The following RHBDF2 variants were observed in gnomAD, a reference collection of about 807,000 sequenced individuals.
RHBDF2 encodes the protein inactive rhomboid protein 2.
Under a neutral mutation model 95.2 loss-of-function variants are expected in RHBDF2, and 38 were observed. That is an observed-to-expected ratio of 0.40 (90% CI 0.31 to 0.52). The LOEUF (loss-of-function observed/expected upper bound fraction) is 0.52. Among genes scored for constraint, RHBDF2 ranks in the 20% least tolerant of loss-of-function variants. The probability of loss-of-function intolerance (pLI) is 0.56; values close to 1 mark genes in which losing one functional copy is unlikely to be tolerated. For synonymous variants in RHBDF2, 442 were observed against 462.0 expected (o/e 0.96, Z 0.55); for missense variants, 863 against 1,137.7 (o/e 0.76, Z 3.47).
Position 76,481,362 on chromosome 17 carries a change from C to A in RHBDF2, c.150+13G>T. ...TACGGCAGAACAGTGAGCCCCCAGGCCAGCCCCCTTACCTCAGGCAGCATG... is the reference window on the plus strand; with the variant it reads ...TACGGCAGAACAGTGAGCCCCCAGGACAGCCCCCTTACCTCAGGCAGCATG... On this transcript the variant is annotated intron_variant, in intron 3 of 18. Transcript: ENST00000675367. The A allele has an allele frequency of 6.2e-7, 1 of 1,606,236 alleles. No individual in the cohort carries two copies. The highest frequency in any genetic ancestry group is 1.1e-5 in the South Asian group (1 of 90,830).
At chr17:76,497,989 G>C (rs1483844875) in intron 1 of RHBDF2, among the ~76,000 whole-genome samples, 1 of 152,222 alleles carries the variant, frequency 6.6e-6, no homozygotes, top group East Asian at 1.9e-4. Context: ...CCTTCCAGTA[G>C]CTTTTGGACC....
intron 1 of RHBDF2, among the ~76,000 whole-genome samples, chr17:76,488,744 C>T (rs1250467327): frequency 2.0e-5 from 3 of 151,992 alleles, no homozygotes; most frequent in Non-Finnish European, 4.4e-5. Context: ...GTCAGGAGTT[C>T]GAGACCAGTC....
chr17:76,498,925 C>G (rs947632380), intron 1 of RHBDF2, among the ~76,000 whole-genome samples: 1 of 151,382 alleles, frequency 6.6e-6, no homozygotes, highest in Non-Finnish European at 1.5e-5. Context: ...GTAGGAGTCA[C>G]TGAGGGTTTG....
At chr17:76,473,590 G>A in intron 15 of RHBDF2, 58 bp downstream of exon 15, 1 of 1,428,510 alleles carries the variant, frequency 7.0e-7, no homozygotes, top group East Asian at 2.4e-5. Flanking sequence ...AGGGCCCACA[G>A]GAAGCCGCAG....
intron 1 of RHBDF2, among the ~76,000 whole-genome samples, chr17:76,490,681 C>G (rs1413138178): frequency 2.6e-5 from 4 of 152,030 alleles, no homozygotes; most frequent in African/African-American, 9.7e-5. Context: ...ATCACACCTC[C>G]CTGGAGGTCC....
At position 76,479,821 on chromosome 17, in the gene RHBDF2, G is replaced by A. The variant is rs773350829; in HGVS notation, c.184C>T (p.Leu62Phe). The stretch of plus-strand genomic sequence containing the variant: ...TGCCATCGGCTGCGTGGCTCCTGGA[G>A]GCTGACGCTCTTCAAGTAGGCTGGG... ...KNPAYLKSVS[L>F]QEPRSRWQES... Residue 62 changes from leucine to phenylalanine, a missense_variant, in exon 4 of 19, where the codon CTC becomes TTC. Leu to Phe is a conservative substitution (Grantham distance 22, BLOSUM62 0). Transcript: ENST00000675367. 5 of 1,613,206 alleles carry A rather than the reference G, an allele frequency of 3.1e-6. No individual in the cohort carries two copies. The highest frequency in any genetic ancestry group is 4.2e-6 in the Non-Finnish European group (5 of 1,179,810).
Position 76,471,513 on chromosome 17 carries a change from A to C in RHBDF2, c.*120T>G, listed in dbSNP as rs1054789969. On this transcript the variant is annotated 3_prime_UTR_variant, in exon 19 of 19. Coordinates refer to ENST00000675367, the MANE Select transcript of RHBDF2 (RefSeq NM_001005498.4). ...CTGGCAGGGGGGCACCCAGGTCCAG[A>C]GCCCGGGCCCTGTCTTGGGTCTCTG... is the stretch of plus-strand genomic sequence containing the variant. The C allele has an allele frequency of 3.4e-6, 4 of 1,180,226 alleles. No individual in the cohort carries two copies. Among genetic ancestry groups the C allele is most frequent in the Non-Finnish European group, 4.7e-6 (4 of 858,824 alleles). 73.1% of individuals were successfully genotyped at this position (1,180,226 alleles called of 1,614,324 possible). A position where few individuals can be genotyped will look rare whatever the true frequency, so the allele number is the denominator to read the frequency against.
rs776442321 is a variant in RHBDF2, at chr17:76,474,492, G to A, written c.1345C>T (p.Arg449Trp). ...HLGAKFSPCI[R>W]KDGQIEQLVL... is the part of the protein sequence containing the mutation. ...AGCTGCTCGATCTGCCCGTCCTTCC[G>A]GATGCAGGGTGAGAACTTGGCCCCC... The change falls in exon 12 of 19, where the codon CGG (arginine) becomes TGG (tryptophan). Residue 449 changes from arginine (R) to tryptophan (W), a missense_variant. This residue lies in a region of RHBDF2 where 611 missense variants were observed against 725.5 expected (regional missense o/e 0.84). Coordinates refer to ENST00000675367, the MANE Select transcript of RHBDF2 (RefSeq NM_001005498.4). The A allele has an allele frequency of 9.3e-6, 15 of 1,614,038 alleles. No homozygotes were observed. Among genetic ancestry groups the A allele is most frequent in the South Asian group, 2.2e-5 (2 of 91,092 alleles).
At position 76,479,541 on chromosome 17, in the gene RHBDF2, G is replaced by A. The variant is rs997490222; in HGVS notation, c.272+192C>T. ...CGAAGCCCCCCAGCCTCCACACCGTGATATTCCGCAAAGCACATACCCATT... is the reference window on the plus strand; with the variant it reads ...CGAAGCCCCCCAGCCTCCACACCGTAATATTCCGCAAAGCACATACCCATT... On this transcript the variant is annotated intron_variant, in intron 4 of 18. Transcript: ENST00000675367. The A allele has an allele frequency of 2.8e-5, 21 of 740,982 alleles. No homozygotes were observed. The Admixed American group carries it at 3.4e-4, about 12-fold the overall frequency. The allele number at this position is 740,982 out of a possible 1,614,324, so 45.9% of individuals were successfully genotyped here.
chr17:76,497,714 TGTTA>T (rs1351125443), intron 1 of RHBDF2, among the ~76,000 whole-genome samples: 2 of 152,132 alleles, frequency 1.3e-5, no homozygotes, highest in East Asian at 3.9e-4. Context: ...GGTAGATTAC[TGTTA>T]GTGAGCCCAC....
chr17:76,497,261 C>T lies in RHBDF2; in HGVS notation c.-220+4092G>A, dbSNP rs554789067. ...CCCTGCTCCCAGCCCCAGGAACCTA[C>T]GCCAGGGAAAGCACAGCTGAGGGGC... On this transcript the variant is annotated intron_variant, in intron 1 of 18. Transcript: ENST00000675367. Among the ~76,000 whole-genome samples, 8 of 152,246 alleles carry T rather than the reference C, an allele frequency of 5.3e-5. No individual in the cohort carries two copies. The South Asian group carries it at 6.2e-4, about 12-fold the overall frequency.
At chr17:76,483,323 TC>T (rs1251079591) in intron 2 of RHBDF2, among the ~76,000 whole-genome samples, 1 of 152,000 alleles carries the variant, frequency 6.6e-6, no homozygotes, top group Admixed American at 6.6e-5. Context: ...TCTCATTCTG[TC>T]ACCCAGATTG....
intron 2 of RHBDF2, among the ~76,000 whole-genome samples, chr17:76,486,185 T>G (rs566073833): frequency 1.3e-5 from 2 of 152,104 alleles, no homozygotes; most frequent in African/African-American, 2.4e-5. Context: ...TTTGGCTCAC[T>G]GCCAACCTCC....
chr17:76,484,843 C>A (rs749779225), intron 2 of RHBDF2, among the ~76,000 whole-genome samples: 1 of 152,148 alleles, frequency 6.6e-6, no homozygotes, highest in Admixed American at 6.6e-5. Flanking sequence ...GCAATGGAGC[C>A]GGCAGCGCAT....
chr17:76,482,249 T>G (rs1459211851), intron 2 of RHBDF2, among the ~76,000 whole-genome samples: 1 of 152,118 alleles, frequency 6.6e-6, no homozygotes, highest in African/African-American at 2.4e-5. Context: ...ATACCAGCAC[T>G]TGGGGAGGCC....
At chr17:76,479,980 G>C in intron 3 of RHBDF2, 126 bp from the exon 4 acceptor site, 1 of 1,300,798 alleles carries the variant, frequency 7.7e-7, no homozygotes, top group Non-Finnish European at 1.0e-6. Flanking sequence ...GCCCCAATTT[G>C]CTTTCATTTG....
chr17:76,490,516 C>T (rs891902000), intron 1 of RHBDF2, among the ~76,000 whole-genome samples: 5 of 152,182 alleles, frequency 3.3e-5, no homozygotes, highest in Non-Finnish European at 5.9e-5. Flanking sequence ...GACCAGGGTA[C>T]ACCAAGAGGG....
intron 6 of RHBDF2, 65 bp from the exon 7 acceptor site, chr17:76,477,850 C>T: frequency 6.3e-7 from 1 of 1,582,564 alleles, no homozygotes; most frequent in East Asian, 2.2e-5. Context: ...CCAGCCCCAA[C>T]ACCGAAGGAA....
intron 1 of RHBDF2, among the ~76,000 whole-genome samples, chr17:76,492,206 G>A (rs1177589121): frequency 6.6e-6 from 1 of 152,148 alleles, no homozygotes; most frequent in Non-Finnish European, 1.5e-5. Flanking sequence ...GTGGGGCGGG[G>A]GAAATCCTGA....
Sources: allele counts gnomAD v4.1 joint callset (sites outside exome capture counted in the v4.1 genomes callset), GRCh38; gene constraint gnomAD v4.1.1; regional missense constraint gnomAD v4.1.1; transcripts MANE v1.5; gene names NCBI Gene and HGNC (gene_info 2026-07-23, HGNC 2026-07-21).